Variants in SIK3 observed in about 807,000 individuals in gnomAD.
The protein encoded by SIK3 is SIK family kinase 3.
SIK3 carries 28 observed loss-of-function variants against 144.2 expected under a neutral mutation model. The ratio of observed to expected loss-of-function variants is 0.19; its 90% CI spans 0.14 to 0.27. The LOEUF (loss-of-function observed/expected upper bound fraction) is 0.27, where lower values mean the gene tolerates loss of function less well. SIK3 is among the 10% of genes least tolerant of loss of function. The probability of loss-of-function intolerance (pLI) is 1.00; values close to 1 mark genes in which losing one functional copy is unlikely to be tolerated. For synonymous variants in SIK3, 686 were observed against 676.3 expected (o/e 1.01, Z -0.22); for missense variants, 1,319 against 1,776.0 (o/e 0.74, Z 4.62).
chr11:116,881,866 A>C (rs1944569243), intron 6 of SIK3, among the ~76,000 whole-genome samples: 1 of 152,176 alleles, frequency 6.6e-6, no homozygotes, highest in Non-Finnish European at 1.5e-5. Flanking sequence ...TCACAAACCA[A>C]CCCAATACTA....
At chr11:116,888,839 T>C (rs561403256) in intron 6 of SIK3, among the ~76,000 whole-genome samples, 1 of 152,346 alleles carries the variant, frequency 6.6e-6, no homozygotes, top group South Asian at 2.1e-4. Context: ...TTACAAATAA[T>C]AGTTCTAAGC....
chr11:117,056,564 GATATAGATATAGATATAGA>G (rs1953539816), intron 1 of SIK3, among the ~76,000 whole-genome samples: 1 of 114,004 alleles, frequency 8.8e-6, no homozygotes, highest in African/African-American at 4.4e-5. Flanking sequence ...TATAGATATA[GATATAGATATAGATATAGA>G]TATAGATATA....
intron 1 of SIK3, among the ~76,000 whole-genome samples, chr11:117,047,024 C>T (rs998802416): frequency 1.3e-5 from 2 of 152,126 alleles, no homozygotes; most frequent in Admixed American, 6.5e-5. Context: ...TGCCATTTAT[C>T]GGTCTCCCTG....
intron 4 of SIK3, among the ~76,000 whole-genome samples, chr11:116,908,256 G>A (rs1946155757): frequency 6.6e-6 from 1 of 152,158 alleles, no homozygotes; most frequent in African/African-American, 2.4e-5. Context: ...CAGGAGGATT[G>A]CTTGAGCTCA....
At chr11:116,904,627 T>C (rs764736381) in intron 4 of SIK3, 1 of 152,238 alleles carries the variant, frequency 6.6e-6, no homozygotes, top group Non-Finnish European at 1.5e-5. Flanking sequence ...TACAGCATTA[T>C]TGAGATAAGG....
rs1211276500 is a variant in SIK3 at position 117,023,606 on chromosome 11, A to AAC, written c.274-66543_274-66542insGT. Among the ~76,000 whole-genome samples the AAC allele has an allele frequency of 3.1e-3, 89 of 28,408 alleles. 5 individuals carry two copies. Among genetic ancestry groups the AAC allele is most frequent in the African/African-American group, 0.014 (88 of 6,448 alleles). The allele number at this position is 28,408 out of a possible 152,430, so 18.6% of individuals were successfully genotyped here. On this transcript the variant is annotated intron_variant, in intron 1 of 24. Transcript: ENST00000445177. ...AAAACAAACAAACAAACAAACAAAC[A>AAC]AACAAAAAAAAAAAAATATATATAT...
intron 1 of SIK3, among the ~76,000 whole-genome samples, chr11:116,976,091 A>G (rs1357853763): frequency 6.6e-6 from 1 of 152,156 alleles, no homozygotes; most frequent in Non-Finnish European, 1.5e-5. Context: ...AAAAGTTTTT[A>G]TATATTCTAG....
intron 1 of SIK3, among the ~76,000 whole-genome samples, chr11:117,026,907 A>G (rs1434135399): frequency 6.6e-6 from 1 of 152,228 alleles, no homozygotes; most frequent in Non-Finnish European, 1.5e-5. Flanking sequence ...TGGAGAAAAT[A>G]AAGCCAGAGA....
intron 1 of SIK3, among the ~76,000 whole-genome samples, chr11:117,000,237 C>T (rs952015766): frequency 1.3e-5 from 2 of 152,178 alleles, no homozygotes; most frequent in Non-Finnish European, 2.9e-5. Flanking sequence ...GTCTTAAAAA[C>T]GACTTCCTCA....
intron 1 of SIK3, among the ~76,000 whole-genome samples, chr11:116,981,753 C>T (rs1950147024): frequency 2.0e-5 from 3 of 152,178 alleles, no homozygotes; most frequent in Non-Finnish European, 4.4e-5. Flanking sequence ...TAGCTCATGC[C>T]TATAATCCCA....
At chr11:117,064,932 G>T (rs1025005419) in intron 1 of SIK3, among the ~76,000 whole-genome samples, 7 of 152,016 alleles carry the variant, frequency 4.6e-5, no homozygotes, top group Non-Finnish European at 7.4e-5. Flanking sequence ...GGCAGATCAC[G>T]AGGTCAGGAG....
At chr11:117,036,323 T>G (rs1174296488) in intron 1 of SIK3, among the ~76,000 whole-genome samples, 2 of 152,170 alleles carry the variant, frequency 1.3e-5, no homozygotes, top group Non-Finnish European at 2.9e-5. Context: ...CTGAGGCAGC[T>G]AATGGGCTCA....
rs1954830848 is a variant in SIK3 at position 117,082,467 on chromosome 11, ATATG to A, written c.273+15672_273+15675del. Among the ~76,000 whole-genome samples, 5 of 152,366 alleles carry A rather than the reference ATATG, an allele frequency of 3.3e-5. No individual in the cohort carries two copies. In the South Asian group the frequency reaches 1.0e-3, roughly 32 times the overall value. On this transcript the variant is annotated intron_variant, in intron 1 of 24. Transcript: ENST00000445177. ...CATAAAAAAATAATGAGATTCCAACATATGTAAGAACATGCATGAACCTTGAAGG... is the reference window on the plus strand; with the variant it reads ...CATAAAAAAATAATGAGATTCCAACATAAGAACATGCATGAACCTTGAAGG...
intron 1 of SIK3, among the ~76,000 whole-genome samples, chr11:116,993,053 CTTTTAT>C (rs1480694082): frequency 6.6e-6 from 1 of 151,948 alleles, no homozygotes; most frequent in East Asian, 1.9e-4. Flanking sequence ...TTTATTTCTA[CTTTTAT>C]TTTTATTTTA....
chr11:116,952,028 G>GTT, intron 3 of SIK3, among the ~76,000 whole-genome samples: 4 of 152,136 alleles, frequency 2.6e-5, no homozygotes, highest in Admixed American at 2.6e-4. Context: ...TGTGCCCTGT[G>GTT]TTTGGGTCTT....
intron 1 of SIK3, among the ~76,000 whole-genome samples, chr11:117,023,640 A>G (rs1317381515): frequency 1.4e-5 from 2 of 145,880 alleles, no homozygotes; most frequent in East Asian, 4.0e-4. Flanking sequence ...ATATATATAT[A>G]TATATTGCAC....
In SIK3 at chr11:116,978,253, T is replaced by C. The variant is rs201125801; in HGVS notation, c.274-21189A>G. ...ACTATCCGCATTACCAAAAGTCTTCTTCAGAAAAAAGAATCACCTCAGGGT... is the reference window on the plus strand; with the variant it reads ...ACTATCCGCATTACCAAAAGTCTTCCTCAGAAAAAAGAATCACCTCAGGGT... On this transcript the variant is annotated intron_variant, in intron 1 of 24. Coordinates refer to ENST00000445177, the MANE Select transcript of SIK3 (RefSeq NM_001366686.3). 2.0e-4 allele frequency among the ~76,000 whole-genome samples: 30 copies of C among 152,218 alleles called. No individual in the cohort carries two copies. In the East Asian group the frequency reaches 3.9e-3, roughly 20 times the overall value.
Position 117,066,819 on chromosome 11 carries a change from T to C in SIK3, c.273+31324A>G, listed in dbSNP as rs372554605. ...AAAGTGCTGGGATTACAGGCATGCA[T>C]GAGCCACTGTGCCCGGTCAGCCCAT... On this transcript the variant is annotated intron_variant, in intron 1 of 24. Transcript: ENST00000445177. Among the ~76,000 whole-genome samples the C allele has an allele frequency of 2.1e-4, 32 of 152,318 alleles. 1 individual carries two copies. In the East Asian group the frequency reaches 4.4e-3, roughly 21 times the overall value.
At chr11:116,878,000 G>C (rs1030489992) in intron 6 of SIK3, among the ~76,000 whole-genome samples, 46 of 152,040 alleles carry the variant, frequency 3.0e-4, no homozygotes, top group African/African-American at 1.1e-3. Flanking sequence ...AACTTGTCAA[G>C]GTCACATGGC....
Sources: gnomAD v4.1 joint callset for allele counts (sites outside exome capture counted in the v4.1 genomes callset) on GRCh38, gnomAD v4.1.1 for gene constraint, MANE v1.5 for transcripts, NCBI Gene and HGNC (gene_info 2026-07-23, HGNC 2026-07-21) for gene names.